Variants in ZDHHC21 observed in about 807,000 individuals in gnomAD.
The protein encoded by ZDHHC21 is palmitoyltransferase ZDHHC21.
ZDHHC21 carries 15 observed loss-of-function variants against 34.6 expected under a neutral mutation model. That is an observed-to-expected ratio of 0.43 (90% CI 0.29 to 0.67). ZDHHC21 has a LOEUF of 0.67. Among genes scored for constraint, ZDHHC21 ranks in the 30% least tolerant of loss-of-function variants. The probability of loss-of-function intolerance (pLI) is 0.14; values close to 1 mark genes in which losing one functional copy is unlikely to be tolerated. For synonymous variants in ZDHHC21, 142 were observed against 101.8 expected, an observed-to-expected ratio of 1.40 and a Z score of -2.38; for missense variants, 344 against 327.7, an observed-to-expected ratio of 1.05 and a Z score of -0.38.
chr9:14,688,397 G>A (rs570944860), intron 2 of ZDHHC21, among the ~76,000 whole-genome samples: 1 of 150,814 alleles, frequency 6.6e-6, no homozygotes, highest in Non-Finnish European at 1.5e-5. Flanking sequence ...ATGAAACAAC[G>A]TTTCTAGGTC....
the ZDHHC21 span, among the ~76,000 whole-genome samples, chr9:14,605,156 G>T: frequency 1.1e-4 from 17 of 151,070 alleles, no homozygotes; most frequent in African/African-American, 4.1e-4. Flanking sequence ...TATGAATACT[G>T]CATTAATGAA....
chr9:14,638,410 C>G (rs953441133), intron 8 of ZDHHC21, among the ~76,000 whole-genome samples: 1 of 152,008 alleles, frequency 6.6e-6, no homozygotes, highest in African/African-American at 2.4e-5. Flanking sequence ...GTATTAAAGA[C>G]TTAAACATAA....
chr9:14,673,220 G>A (rs931640715), intron 4 of ZDHHC21, among the ~76,000 whole-genome samples: 17 of 151,730 alleles, frequency 1.1e-4, no homozygotes, highest in Non-Finnish European at 7.4e-5. Flanking sequence ...ATTAATAATG[G>A]CATAAATGAA....
At chr9:14,663,136 GC>G (rs746270465) in intron 5 of ZDHHC21, among the ~76,000 whole-genome samples, 10 of 152,114 alleles carry the variant, frequency 6.6e-5, no homozygotes, top group Non-Finnish European at 1.5e-4. Flanking sequence ...AATTAGGTCC[GC>G]GAAAACTATG....
chr9:14,667,351 A>T (rs1338027303), intron 5 of ZDHHC21, among the ~76,000 whole-genome samples: 1 of 151,448 alleles, frequency 6.6e-6, no homozygotes, highest in Non-Finnish European at 1.5e-5. Flanking sequence ...AATTGTGGCA[A>T]TAATCAATAG....
At chr9:14,691,744 C>A (rs536921767) in intron 1 of ZDHHC21, among the ~76,000 whole-genome samples, 7 of 152,166 alleles carry the variant, frequency 4.6e-5, no homozygotes, top group African/African-American at 1.7e-4. Flanking sequence ...TTGTTTCCAT[C>A]GAAAATGATG....
At chr9:14,647,919 G>T (rs1830549252) in intron 7 of ZDHHC21, among the ~76,000 whole-genome samples, 1 of 152,016 alleles carries the variant, frequency 6.6e-6, no homozygotes, top group South Asian at 2.1e-4. Context: ...ATCTAGCTCA[G>T]ACCACCCCAT....
At chr9:14,674,704 C>T (rs1836049757) in intron 3 of ZDHHC21, among the ~76,000 whole-genome samples, 1 of 152,108 alleles carries the variant, frequency 6.6e-6, no homozygotes, top group Non-Finnish European at 1.5e-5. Context: ...CTTAACCCAG[C>T]AACTTCCTGT....
intron 2 of ZDHHC21, among the ~76,000 whole-genome samples, chr9:14,685,530 C>T (rs572880187): frequency 1.3e-5 from 2 of 152,062 alleles, no homozygotes; most frequent in South Asian, 2.1e-4. Flanking sequence ...GTTAGAATGG[C>T]GATCACTAAA....
At chr9:14,645,500 A>G (rs949912020) in intron 7 of ZDHHC21, among the ~76,000 whole-genome samples, 1 of 152,182 alleles carries the variant, frequency 6.6e-6, no homozygotes, top group Non-Finnish European at 1.5e-5. Flanking sequence ...TACCTAGATG[A>G]TAATAAAGGA....
At chr9:14,650,663 C>T (rs1336039786) in intron 7 of ZDHHC21, among the ~76,000 whole-genome samples, 1 of 151,774 alleles carries the variant, frequency 6.6e-6, no homozygotes, top group African/African-American at 2.4e-5. Flanking sequence ...CTGGCTATTT[C>T]TTTTTTTTGT....
intron 2 of ZDHHC21, among the ~76,000 whole-genome samples, chr9:14,680,937 A>C (rs1837268215): frequency 6.6e-6 from 1 of 152,180 alleles, no homozygotes; most frequent in Non-Finnish European, 1.5e-5. Flanking sequence ...ATTCCTGAAG[A>C]CAACAAACCC....
chr9:14,642,948 G>GT (rs1829635167), intron 7 of ZDHHC21, among the ~76,000 whole-genome samples: 1 of 152,108 alleles, frequency 6.6e-6, no homozygotes, highest in African/African-American at 2.4e-5. Context: ...TTAAAGAAAA[G>GT]TAACACTGGG....
intron 7 of ZDHHC21, among the ~76,000 whole-genome samples, chr9:14,646,131 A>G (rs1276289113): frequency 2.6e-5 from 4 of 152,202 alleles, no homozygotes; most frequent in African/African-American, 9.6e-5. Context: ...ATAACCTCCA[A>G]AAACTAGAAA....
At chr9:14,609,556 T>G (rs1275211777), downstream of ZDHHC21, among the ~76,000 whole-genome samples, 1 of 152,144 alleles carries the variant, frequency 6.6e-6, no homozygotes, top group East Asian at 1.9e-4. Context: ...ACCACAAACT[T>G]AACCGCTTCC....
intron 8 of ZDHHC21, among the ~76,000 whole-genome samples, chr9:14,620,801 TAACC>T (rs1188173484): frequency 1.3e-5 from 2 of 152,042 alleles, no homozygotes; most frequent in Non-Finnish European, 2.9e-5. Flanking sequence ...AGATAACTAA[TAACC>T]AACAACATAG....
intron 3 of ZDHHC21, chr9:14,677,569 T>C (rs1836649738): frequency 6.6e-6 from 1 of 152,058 alleles, no homozygotes; most frequent in Non-Finnish European, 1.5e-5. Context: ...CTGGAGATTC[T>C]GACATACTAA....
the ZDHHC21 span, among the ~76,000 whole-genome samples, chr9:14,590,996 G>T: frequency 6.6e-6 from 1 of 152,072 alleles, no homozygotes; most frequent in Non-Finnish European, 1.5e-5. Context: ...GAAGCAAAAT[G>T]TTGTGTGTTT....
At chr9:14,670,149 G>C (rs1835197642) in intron 5 of ZDHHC21, among the ~76,000 whole-genome samples, 1 of 152,074 alleles carries the variant, frequency 6.6e-6, no homozygotes, top group Non-Finnish European at 1.5e-5. Flanking sequence ...GTTTTTATCA[G>C]CCACTTAAAA....
Sources: gnomAD v4.1 joint callset for allele counts (sites outside exome capture counted in the v4.1 genomes callset) on GRCh38, gnomAD v4.1.1 for gene constraint, MANE v1.5 for transcripts, NCBI Gene and HGNC (gene_info 2026-07-23, HGNC 2026-07-21) for gene names.